Variants in DCDC1 observed in about 807,000 individuals in gnomAD.
The protein encoded by DCDC1 is doublecortin domain containing 1, also known as doublecortin domain-containing protein 1.
In DCDC1, 200 loss-of-function variants were observed where a neutral mutation model predicts 178.3. The ratio of observed to expected loss-of-function variants is 1.12; its 90% CI spans 1.00 to 1.26. The LOEUF is 1.26. DCDC1 is among the 50% of genes most tolerant of loss of function. The probability of loss-of-function intolerance (pLI) is 0.00; values close to 1 mark genes in which losing one functional copy is unlikely to be tolerated. For missense variants in DCDC1, 1,983 were observed against 1,749.2 expected, an observed-to-expected ratio of 1.13 and a Z score of -2.38; for synonymous variants, 690 against 604.8, an observed-to-expected ratio of 1.14 and a Z score of -2.07.
intron 1 of DCDC1, among the ~76,000 whole-genome samples, chr11:31,364,837 C>CA (rs1367275082): frequency 2.0e-3 from 265 of 132,002 alleles, no homozygotes; most frequent in East Asian, 0.014. Context: ...GTTAATCTGT[C>CA]AAAAAAAAAA....
At chr11:31,045,528 G>A (rs1176817038) in intron 20 of DCDC1, among the ~76,000 whole-genome samples, 1 of 151,888 alleles carries the variant, frequency 6.6e-6, no homozygotes, top group Non-Finnish European at 1.5e-5. Flanking sequence ...TCCACCTGCT[G>A]TTAGAACCAG....
intron 9 of DCDC1, among the ~76,000 whole-genome samples, chr11:31,151,895 A>AT (rs148599783): frequency 0.091 from 13,851 of 152,166 alleles, 1,728 homozygotes; most frequent in African/African-American, 0.28. Context: ...TTAGTGATCT[A>AT]TTGCACAGCC....
chr11:31,336,889 C>T (rs962611312), intron 1 of DCDC1, among the ~76,000 whole-genome samples: 5 of 152,152 alleles, frequency 3.3e-5, no homozygotes, highest in Non-Finnish European at 7.3e-5. Flanking sequence ...AAAACAATGG[C>T]TAGTCCTGGA....
intron 9 of DCDC1, among the ~76,000 whole-genome samples, chr11:31,202,135 A>C (rs1971356956): frequency 6.6e-6 from 1 of 152,220 alleles, no homozygotes; most frequent in African/African-American, 2.4e-5. Context: ...AAAATACAAG[A>C]AGCACAGACT....
At chr11:31,240,866 C>A (rs912095039) in intron 9 of DCDC1, among the ~76,000 whole-genome samples, 1 of 151,844 alleles carries the variant, frequency 6.6e-6, no homozygotes, top group Non-Finnish European at 1.5e-5. Flanking sequence ...CAGCCTTTAC[C>A]CACACACATA....
chr11:30,873,846 C>T (rs1198151717), intron 38 of DCDC1, among the ~76,000 whole-genome samples: 4 of 152,180 alleles, frequency 2.6e-5, no homozygotes, highest in Non-Finnish European at 5.9e-5. Flanking sequence ...TACCACAGCA[C>T]TGATATTATT....
intron 20 of DCDC1, among the ~76,000 whole-genome samples, chr11:30,961,937 G>T (rs1949123811): frequency 6.6e-6 from 1 of 151,924 alleles, no homozygotes; most frequent in Non-Finnish European, 1.5e-5. Flanking sequence ...TGCACAAGCT[G>T]GTCTTAAACA....
At chr11:31,347,790 G>GAA (rs1298523085) in intron 1 of DCDC1, among the ~76,000 whole-genome samples, 1 of 152,082 alleles carries the variant, frequency 6.6e-6, no homozygotes, top group Non-Finnish European at 1.5e-5. Context: ...GAGAGACAAA[G>GAA]GGGCAGTTAT....
intron 21 of DCDC1, among the ~76,000 whole-genome samples, chr11:30,942,432 A>G (rs983559355): frequency 2.6e-5 from 4 of 152,288 alleles, no homozygotes; most frequent in East Asian, 3.9e-4. Flanking sequence ...AGGGAATCTC[A>G]TTAGAAAATT....
At chr11:31,039,389 G>C (rs1202828807) in intron 20 of DCDC1, among the ~76,000 whole-genome samples, 1 of 152,098 alleles carries the variant, frequency 6.6e-6, no homozygotes, top group Admixed American at 6.5e-5. Context: ...TATTTAAGAG[G>C]TCATGCTCTA....
chr11:30,973,502 CA>C (rs1949928690), intron 20 of DCDC1, among the ~76,000 whole-genome samples: 1 of 152,024 alleles, frequency 6.6e-6, no homozygotes, highest in Non-Finnish European at 1.5e-5. Flanking sequence ...CAGTGGCTTA[CA>C]AGAAACTCAC....
At chr11:31,046,621 A>T (rs1053045166) in intron 20 of DCDC1, among the ~76,000 whole-genome samples, 5 of 151,676 alleles carry the variant, frequency 3.3e-5, no homozygotes, top group Non-Finnish European at 7.4e-5. Context: ...GTAAGAAAAA[A>T]AAAAAGCCAT....
At chr11:31,276,453 A>G (rs1165743502) in intron 7 of DCDC1, among the ~76,000 whole-genome samples, 1 of 152,134 alleles carries the variant, frequency 6.6e-6, no homozygotes, top group Middle Eastern at 3.2e-3. Flanking sequence ...TATTTTGAGA[A>G]AGGGAATCTG....
intron 20 of DCDC1, among the ~76,000 whole-genome samples, chr11:30,987,902 C>T (rs181479759): frequency 6.6e-6 from 1 of 152,070 alleles, no homozygotes; most frequent in African/African-American, 2.4e-5. Flanking sequence ...CCCAGGGAAG[C>T]CAAAAAATTG....
rs113048954 is a variant in DCDC1 at position 30,961,751 on chromosome 11, A to G, written c.2592-9183T>C. On this transcript the variant is annotated intron_variant, in intron 20 of 38. Coordinates refer to ENST00000684477, the MANE Select transcript of DCDC1 (RefSeq NM_001387274.1). ...ATTTAAGTACTCCATCTCTGAAAAA[A>G]AGGAAAGGATAAGAAAAATAAATAT... Among the ~76,000 whole-genome samples the G allele has an allele frequency of 5.0e-3, 758 of 152,178 alleles. 4 individuals carry two copies. The highest frequency in any genetic ancestry group is 0.018 in the African/African-American group (728 of 41,546).
At chr11:31,092,527 T>C (rs538385138) in intron 16 of DCDC1, among the ~76,000 whole-genome samples, 67 of 152,304 alleles carry the variant, frequency 4.4e-4, no homozygotes, top group South Asian at 1.7e-3. Flanking sequence ...ACATCATTTA[T>C]AGAAGAGAAA....
chr11:31,170,802 A>G (rs1967108811), intron 9 of DCDC1, among the ~76,000 whole-genome samples: 1 of 152,160 alleles, frequency 6.6e-6, no homozygotes, highest in Non-Finnish European at 1.5e-5. Flanking sequence ...CAGGATAGGA[A>G]GATCAGCTTT....
intron 9 of DCDC1, among the ~76,000 whole-genome samples, chr11:31,150,073 C>T (rs1320779048): frequency 6.6e-6 from 1 of 150,488 alleles, no homozygotes; most frequent in Non-Finnish European, 1.5e-5. Flanking sequence ...GCCTTTTCAC[C>T]ACATCTACAC....
Position 31,189,892 on chromosome 11 carries a change from T to C in DCDC1, c.1221+51558A>G, listed in dbSNP as rs974910659. On this transcript the variant is annotated intron_variant, in intron 9 of 38. Coordinates refer to ENST00000684477, the MANE Select transcript of DCDC1 (RefSeq NM_001387274.1). ...CCATATCACTAACATATTCACAGGT[T>C]TGAGAAATGAGAACATGAACATCTT... Among the ~76,000 whole-genome samples the C allele has an allele frequency of 3.3e-5, 5 of 152,206 alleles. No homozygotes were observed. The East Asian group carries it at 7.7e-4, about 23-fold the overall frequency.
Sources: gnomAD v4.1 joint callset for allele counts (sites outside exome capture counted in the v4.1 genomes callset) on GRCh38, gnomAD v4.1.1 for gene constraint, MANE v1.5 for transcripts, NCBI Gene and HGNC (gene_info 2026-07-23, HGNC 2026-07-21) for gene names.